KIAA2012: variants seen among roughly 807,000 people sequenced by gnomAD.
KIAA2012 encodes KIAA2012, also known as uncharacterized protein KIAA2012.
KIAA2012 carries 125 observed loss-of-function variants against 150.6 expected under a neutral mutation model. The observed-to-expected ratio is 0.83, with a 90% CI of 0.72 to 0.96. The LOEUF (loss-of-function observed/expected upper bound fraction) is 0.96. KIAA2012 is among the 40% of genes least tolerant of loss of function. KIAA2012 has a pLI of 0.00. For synonymous variants in KIAA2012, 462 were observed against 504.7 expected (o/e 0.92, Z 1.13); for missense variants, 1,219 against 1,354.9 (o/e 0.90, Z 1.57).
At chr2:202,164,289 G>T (rs1691714070) in intron 14 of KIAA2012, among the ~76,000 whole-genome samples, 1 of 152,202 alleles carries the variant, frequency 6.6e-6, no homozygotes, top group Admixed American at 6.5e-5. Flanking sequence ...CTCTAGAGAA[G>T]AGCATGATTC....
At chr2:202,115,075 G>T (rs1408175715) in intron 11 of KIAA2012, 2 of 163,352 alleles carry the variant, frequency 1.2e-5, no homozygotes, top group Non-Finnish European at 2.9e-5. Context: ...AATAAGCAAA[G>T]ATTTTTTTGG....
At chr2:202,132,454 G>A (rs964683076) in intron 12 of KIAA2012, among the ~76,000 whole-genome samples, 43 of 151,398 alleles carry the variant, frequency 2.8e-4, no homozygotes, top group Non-Finnish European at 4.1e-4. Context: ...ATCACCTGAG[G>A]TCAGGAGTTT....
intron 21 of KIAA2012, among the ~76,000 whole-genome samples, chr2:202,195,390 T>C (rs1692395580): frequency 6.6e-6 from 1 of 151,876 alleles, no homozygotes; most frequent in Non-Finnish European, 1.5e-5. Flanking sequence ...TAGTGGTGTG[T>C]GCCTGTAGTC....
intron 11 of KIAA2012, among the ~76,000 whole-genome samples, chr2:202,120,237 C>T (rs1690625648): frequency 6.6e-6 from 1 of 152,112 alleles, no homozygotes; most frequent in Non-Finnish European, 1.5e-5. Context: ...ATTAGCTGGG[C>T]CTGGTGTGCA....
intron 12 of KIAA2012, among the ~76,000 whole-genome samples, chr2:202,135,379 T>C (rs1450938243): frequency 6.6e-6 from 1 of 152,226 alleles, no homozygotes; most frequent in African/African-American, 2.4e-5. Flanking sequence ...TTGCAGCCAG[T>C]TACCTGGGTT....
intron 14 of KIAA2012, among the ~76,000 whole-genome samples, chr2:202,156,755 G>C (rs796140303): frequency 1.9e-4 from 29 of 152,194 alleles, no homozygotes; most frequent in African/African-American, 6.7e-4. Context: ...TGTGGTGGTG[G>C]GCACCTGTAG....
intron 12 of KIAA2012, among the ~76,000 whole-genome samples, chr2:202,132,572 T>C (rs1448393606): frequency 2.0e-5 from 3 of 150,612 alleles, no homozygotes; most frequent in South Asian, 2.1e-4. Context: ...GAGGGGTACA[T>C]TGAAGCAGGG....
chr2:202,096,920 G>A (rs1689898682), intron 4 of KIAA2012, among the ~76,000 whole-genome samples: 1 of 152,172 alleles, frequency 6.6e-6, no homozygotes, highest in African/African-American at 2.4e-5. Context: ...GAGCTAAACA[G>A]CAGTCTTACC....
Position 202,193,478 on chromosome 2 carries a change from C to A in KIAA2012, c.2989C>A (p.Gln997Lys). 3.9e-6 allele frequency: 6 copies of A among 1,550,144 alleles called. No individual in the cohort carries two copies. The highest frequency in any genetic ancestry group is 5.2e-6 in the Non-Finnish European group (6 of 1,146,892). The change falls in exon 20 of 24, where the codon CAG (glutamine) becomes AAG (lysine). Residue 997 changes from glutamine to lysine, a missense_variant. By Grantham distance (53) the Gln-to-Lys change is moderately conservative (BLOSUM62 1). Coordinates refer to ENST00000498697, the MANE Select transcript of KIAA2012 (RefSeq NM_001277372.4). ...KKMEEELELE[Q>K]QRRTEEIRLR... ...GATGGAGGAGGAGCTGGAGCTGGAG[C>A]AGCAGAGACGTACAGAAGAGATCCG...
chr2:202,193,610 G>A, intron 20 of KIAA2012, 107 bp downstream of exon 20: 2 of 1,131,604 alleles, frequency 1.8e-6, no homozygotes, highest in South Asian at 1.6e-5. Context: ...CTCATGCCCT[G>A]AAGTTAAAAT....
chr2:202,203,154 C>T (rs1011787330), intron 23 of KIAA2012, among the ~76,000 whole-genome samples: 1 of 152,014 alleles, frequency 6.6e-6, no homozygotes, highest in Non-Finnish European at 1.5e-5. Flanking sequence ...CTAAAACTGC[C>T]CATAATTTCA....
intron 14 of KIAA2012, among the ~76,000 whole-genome samples, chr2:202,163,184 A>G (rs998866083): frequency 5.4e-5 from 8 of 148,814 alleles, no homozygotes; most frequent in Non-Finnish European, 1.0e-4. Flanking sequence ...GCTAACTGCA[A>G]CCTCCACCTC....
intron 9 of KIAA2012, among the ~76,000 whole-genome samples, chr2:202,108,074 C>T (rs144868253): frequency 6.6e-6 from 1 of 152,260 alleles, no homozygotes; most frequent in Admixed American, 6.5e-5. Flanking sequence ...ACATAGAGGT[C>T]CCTGCTGCAC....
At chr2:202,156,416 C>T (rs1223920344) in intron 14 of KIAA2012, among the ~76,000 whole-genome samples, 5 of 152,132 alleles carry the variant, frequency 3.3e-5, no homozygotes, top group Admixed American at 6.5e-5. Flanking sequence ...AGTCACCATT[C>T]ATTAACCAAT....
chr2:202,096,207 G>C (rs1252952204), intron 4 of KIAA2012, among the ~76,000 whole-genome samples: 2 of 152,074 alleles, frequency 1.3e-5, no homozygotes, highest in East Asian at 1.9e-4. Context: ...TGTCTGGTTT[G>C]ACCCCAAGGA....
intron 21 of KIAA2012, among the ~76,000 whole-genome samples, chr2:202,194,699 C>T (rs112546639): frequency 0.042 from 6,266 of 148,748 alleles, 469 homozygotes; most frequent in African/African-American, 0.15. Flanking sequence ...TCAGGGCAGA[C>T]TTTCAGGTGC....
At position 202,164,487 on chromosome 2, in the gene KIAA2012, C is replaced by T. The variant is rs7565242; in HGVS notation, c.2047-797C>T. Among the ~76,000 whole-genome samples, 845 of 152,228 alleles carry T rather than the reference C, an allele frequency of 5.6e-3. 11 individuals carry two copies. Among genetic ancestry groups the T allele is most frequent in the African/African-American group, 0.019 (794 of 41,524 alleles). On this transcript the variant is annotated intron_variant, in intron 14 of 23. Transcript: ENST00000498697. The stretch of plus-strand genomic sequence containing the variant: ...TTCTGGGAGGAGGGATTGCAAGCAG[C>T]TTGTATGACTCAAGGAAAGAAGGAA...
chr2:202,198,148 TG>T (rs1389782186), intron 22 of KIAA2012, among the ~76,000 whole-genome samples: 3 of 117,168 alleles, frequency 2.6e-5, no homozygotes, highest in Non-Finnish European at 4.9e-5. Flanking sequence ...CATTCCAGCC[TG>T]GGCGACAAGA....
chr2:202,095,926 A>G (rs576979576), intron 4 of KIAA2012, among the ~76,000 whole-genome samples: 1 of 152,112 alleles, frequency 6.6e-6, no homozygotes, highest in Non-Finnish European at 1.5e-5. Context: ...TCTACTAAAG[A>G]TACAAAAATT....
Sources: allele counts gnomAD v4.1 joint callset (sites outside exome capture counted in the v4.1 genomes callset), GRCh38; gene constraint gnomAD v4.1.1; transcripts MANE v1.5; gene names NCBI Gene and HGNC (gene_info 2026-07-23, HGNC 2026-07-21).